Variants in AGBL4 observed in about 807,000 individuals in gnomAD.
The protein encoded by AGBL4 is cytosolic carboxypeptidase 6.
AGBL4 carries 58 observed loss-of-function variants against 66.4 expected under a neutral mutation model. The observed-to-expected ratio is 0.87, with a 90% confidence interval of 0.71 to 1.09. AGBL4 has a LOEUF of 1.09. Among genes scored for constraint, AGBL4 ranks in the 50% least tolerant of loss-of-function variants. The pLI, the probability that AGBL4 is intolerant of heterozygous loss-of-function variation, is 0.00. For missense variants in AGBL4, 579 were observed against 631.0 expected, an observed-to-expected ratio of 0.92 and a Z score of 0.88; for synonymous variants, 234 against 222.9, an observed-to-expected ratio of 1.05 and a Z score of -0.44.
chr1:48,776,705 C>G, intron 6 of AGBL4: 2 of 1,520,570 alleles, frequency 1.3e-6, no homozygotes, highest in Non-Finnish European at 1.8e-6. Context: ...TCCTCCGGGC[C>G]CCGGTACACG....
chr1:49,955,590 C>G (rs1007586957), intron 1 of AGBL4, among the ~76,000 whole-genome samples: 4 of 151,908 alleles, frequency 2.6e-5, no homozygotes, highest in African/African-American at 9.7e-5. Flanking sequence ...TTTGCCCCAG[C>G]TCCCCTATAT....
At chr1:49,039,700 C>A (rs1308562115) in intron 5 of AGBL4, among the ~76,000 whole-genome samples, 3 of 152,014 alleles carry the variant, frequency 2.0e-5, no homozygotes, top group Non-Finnish European at 2.9e-5. Flanking sequence ...TCACAATGAA[C>A]TATACACTTA....
intron 3 of AGBL4, among the ~76,000 whole-genome samples, chr1:49,318,836 A>G (rs1465373162): frequency 6.6e-6 from 1 of 152,104 alleles, no homozygotes; most frequent in Non-Finnish European, 1.5e-5. Context: ...TTAGAAATGC[A>G]TTATCTTACA....
chr1:48,532,148 G>C (rs1643909866), downstream of AGBL4, among the ~76,000 whole-genome samples: 1 of 152,104 alleles, frequency 6.6e-6, no homozygotes, highest in Admixed American at 6.6e-5. Flanking sequence ...GGAAGGATTT[G>C]CAGATACCTC....
At chr1:48,764,186 C>A (rs1256510518) in intron 6 of AGBL4, among the ~76,000 whole-genome samples, 2 of 152,196 alleles carry the variant, frequency 1.3e-5, no homozygotes, top group East Asian at 3.8e-4. Context: ...GAGATCACTT[C>A]CGTCAGTGTA....
chr1:49,038,404 A>G (rs959199599), intron 5 of AGBL4, among the ~76,000 whole-genome samples: 1 of 152,062 alleles, frequency 6.6e-6, no homozygotes, highest in Non-Finnish European at 1.5e-5. Flanking sequence ...CCTCAGCCCA[A>G]TAGTAGCTTA....
intron 3 of AGBL4, among the ~76,000 whole-genome samples, chr1:49,409,961 T>C (rs1645283215): frequency 6.6e-6 from 1 of 152,186 alleles, no homozygotes; most frequent in East Asian, 1.9e-4. Flanking sequence ...ATACAGAATC[T>C]TGAAGGCACT....
intron 3 of AGBL4, among the ~76,000 whole-genome samples, chr1:49,334,066 G>T (rs1645387139): frequency 6.6e-6 from 1 of 152,144 alleles, no homozygotes; most frequent in Non-Finnish European, 1.5e-5. Flanking sequence ...GTAGCCATGA[G>T]TAATAATTAT....
At chr1:48,880,545 G>A (rs369125352) in intron 5 of AGBL4, among the ~76,000 whole-genome samples, 2 of 152,198 alleles carry the variant, frequency 1.3e-5, no homozygotes, top group East Asian at 1.9e-4. Context: ...TGTCCACACT[G>A]TTTTCCACAG....
chr1:49,260,300 C>A (rs1245113629), intron 3 of AGBL4, among the ~76,000 whole-genome samples: 2 of 150,746 alleles, frequency 1.3e-5, no homozygotes, highest in Non-Finnish European at 3.0e-5. Context: ...CAAGAAATAA[C>A]TAAAATCAGA....
intron 6 of AGBL4, among the ~76,000 whole-genome samples, chr1:48,826,937 A>G (rs1325173096): frequency 6.6e-6 from 1 of 152,058 alleles, no homozygotes; most frequent in African/African-American, 2.4e-5. Flanking sequence ...CCAGTCCTCA[A>G]ATAGGCTCTG....
At chr1:49,661,308 C>CA (rs1646265050) in intron 3 of AGBL4, among the ~76,000 whole-genome samples, 2 of 152,054 alleles carry the variant, frequency 1.3e-5, no homozygotes, top group Non-Finnish European at 2.9e-5. Flanking sequence ...GTTTTGTTCC[C>CA]TCCAAGTCTC....
chr1:49,693,616 G>T (rs1310948505), intron 3 of AGBL4, among the ~76,000 whole-genome samples: 1 of 151,576 alleles, frequency 6.6e-6, no homozygotes, highest in East Asian at 1.9e-4. Flanking sequence ...TGTGTGGGGG[G>T]GTGCTTTTTC....
intron 6 of AGBL4, among the ~76,000 whole-genome samples, chr1:48,806,012 C>A (rs1185628519): frequency 6.6e-6 from 1 of 152,198 alleles, no homozygotes; most frequent in Non-Finnish European, 1.5e-5. Flanking sequence ...AGGTCATCTC[C>A]TGGTTGGGAT....
intron 11 of AGBL4, among the ~76,000 whole-genome samples, chr1:48,576,567 A>T (rs1242227379): frequency 1.3e-5 from 2 of 152,184 alleles, no homozygotes; most frequent in Admixed American, 6.5e-5. Context: ...TTTGGCACAG[A>T]GTCCTCTGTT....
intron 3 of AGBL4, among the ~76,000 whole-genome samples, chr1:49,249,663 G>T (rs1052784105): frequency 6.6e-6 from 1 of 152,142 alleles, no homozygotes; most frequent in Admixed American, 6.5e-5. Flanking sequence ...CTGTATACAA[G>T]TTCCTCAAAA....
chr1:49,072,950 CT>C (rs922309801), intron 4 of AGBL4, among the ~76,000 whole-genome samples: 6 of 152,146 alleles, frequency 3.9e-5, no homozygotes, highest in Non-Finnish European at 8.8e-5. Context: ...TCTTTTCACT[CT>C]TTTTTTTATC....
chr1:49,695,298 A>G lies in AGBL4; in HGVS notation c.282+2015T>C, dbSNP rs112667783. Among the ~76,000 whole-genome samples, 270 of 152,260 alleles carry G rather than the reference A, an allele frequency of 1.8e-3. 3 individuals carry two copies. Among genetic ancestry groups the G allele is most frequent in the African/African-American group, 6.1e-3 (252 of 41,572 alleles). On this transcript the variant is annotated intron_variant, in intron 3 of 13. Transcript: ENST00000371839. Reference sequence around the variant, plus strand: ...TGTTTGTGACAACCATAAGTTGCTGATATGAGACAGGAACATTAACAAAAG... The same window carrying G: ...TGTTTGTGACAACCATAAGTTGCTGGTATGAGACAGGAACATTAACAAAAG...
intron 1 of AGBL4, among the ~76,000 whole-genome samples, chr1:50,019,498 A>G (rs973140198): frequency 4.6e-5 from 7 of 152,050 alleles, no homozygotes; most frequent in African/African-American, 1.7e-4. Flanking sequence ...TACTTTGTCC[A>G]ACCACTAACA....
Sources: gnomAD v4.1 joint callset for allele counts (sites outside exome capture counted in the v4.1 genomes callset) on GRCh38, gnomAD v4.1.1 for gene constraint, MANE v1.5 for transcripts, NCBI Gene and HGNC (gene_info 2026-07-23, HGNC 2026-07-21) for gene names.